PDE8B: variants seen among roughly 807,000 people sequenced by gnomAD.
PDE8B encodes high affinity cAMP-specific and IBMX-insensitive 3',5'-cyclic phosphodiesterase 8B.
In PDE8B, 26 loss-of-function variants were observed where a neutral mutation model predicts 101.3. The ratio of observed to expected loss-of-function variants is 0.26; its 90% CI spans 0.19 to 0.36. The LOEUF (loss-of-function observed/expected upper bound fraction) is 0.36, where lower values mean the gene tolerates loss of function less well. Ranked by LOEUF, PDE8B falls within the 10% of genes least tolerant of loss-of-function variation. The pLI, the probability that PDE8B is intolerant of heterozygous loss-of-function variation, is 1.00. For missense variants in PDE8B, 810 were observed against 1,163.1 expected (o/e 0.70, Z 4.42); for synonymous variants, 424 against 429.3 (o/e 0.99, Z 0.15).
At chr5:77,222,810 G>T (rs1239564426) in intron 1 of PDE8B, among the ~76,000 whole-genome samples, 1 of 152,186 alleles carries the variant, frequency 6.6e-6, no homozygotes, top group East Asian at 1.9e-4. Context: ...AAAAGCCAAG[G>T]AGCAGACAAC....
chr5:77,130,601 T>A, the PDE8B span, among the ~76,000 whole-genome samples: 1 of 152,110 alleles, frequency 6.6e-6, no homozygotes, highest in East Asian at 1.9e-4. Flanking sequence ...CCAAAATTCT[T>A]AATTTTTTGG....
At chr5:77,423,632 GTTT>G (rs71594634) in intron 20 of PDE8B, among the ~76,000 whole-genome samples, 6,474 of 74,052 alleles carry the variant, frequency 0.087, 692 homozygotes, top group African/African-American at 0.25. Flanking sequence ...GTTTTGTTTA[GTTT>G]TTTTTTTTTT....
chr5:77,280,982 C>T (rs1764863772), intron 1 of PDE8B, among the ~76,000 whole-genome samples: 1 of 152,232 alleles, frequency 6.6e-6, no homozygotes, highest in African/African-American at 2.4e-5. Flanking sequence ...CCTACCCTGA[C>T]TGAGGTGGGC....
the PDE8B span, among the ~76,000 whole-genome samples, chr5:77,185,269 C>T: frequency 1.3e-5 from 2 of 152,156 alleles, no homozygotes; most frequent in African/African-American, 4.8e-5. Flanking sequence ...CTCACACAAC[C>T]GAGATTGACT....
At chr5:77,296,224 CTCT>C (rs1277358114) in intron 1 of PDE8B, among the ~76,000 whole-genome samples, 1 of 151,360 alleles carries the variant, frequency 6.6e-6, no homozygotes, top group Non-Finnish European at 1.5e-5. Flanking sequence ...CATCTTCCTT[CTCT>C]TCGTTTTCCT....
chr5:77,321,111 A>G (rs1245215552), intron 2 of PDE8B, among the ~76,000 whole-genome samples: 1 of 150,238 alleles, frequency 6.7e-6, no homozygotes, highest in African/African-American at 2.4e-5. Flanking sequence ...GTTTGACATC[A>G]GCAGTTTAAC....
the PDE8B span, among the ~76,000 whole-genome samples, chr5:77,177,109 C>T: frequency 2.6e-5 from 4 of 152,182 alleles, no homozygotes; most frequent in East Asian, 7.7e-4. Context: ...TACCACTCCA[C>T]AGTCTCTTCA....
At chr5:77,373,586 TAG>T (rs1052759730) in intron 10 of PDE8B, among the ~76,000 whole-genome samples, 11 of 152,342 alleles carry the variant, frequency 7.2e-5, no homozygotes, top group Admixed American at 4.6e-4. Flanking sequence ...TAAATAAAAT[TAG>T]AGAGTGTATA....
intron 2 of PDE8B, among the ~76,000 whole-genome samples, chr5:77,312,559 T>C (rs2150128206): frequency 6.6e-6 from 1 of 152,242 alleles, no homozygotes; most frequent in African/African-American, 2.4e-5. Context: ...GAAGAAGCAA[T>C]GAAATGGTGA....
At chr5:77,309,294 A>C (rs905337640) in intron 1 of PDE8B, among the ~76,000 whole-genome samples, 1 of 152,186 alleles carries the variant, frequency 6.6e-6, no homozygotes, top group Non-Finnish European at 1.5e-5. Flanking sequence ...AGAAAAGTAT[A>C]CAGGCAAGGT....
At chr5:77,397,058 AGT>A (rs1791231645) in intron 10 of PDE8B, among the ~76,000 whole-genome samples, 1 of 82,772 alleles carries the variant, frequency 1.2e-5, no homozygotes, top group Non-Finnish European at 2.1e-5. Flanking sequence ...TTTGAGGCAG[AGT>A]GTCACTGTGT....
the PDE8B span, among the ~76,000 whole-genome samples, chr5:77,193,678 A>G: frequency 9.9e-5 from 15 of 152,078 alleles, no homozygotes; most frequent in African/African-American, 3.6e-4. Flanking sequence ...TAATTTTTCT[A>G]ATCATTTTGT....
At chr5:77,420,809 GC>G (rs34790629) in intron 19 of PDE8B, among the ~76,000 whole-genome samples, 6 of 152,166 alleles carry the variant, frequency 3.9e-5, no homozygotes, top group Non-Finnish European at 8.8e-5. Context: ...ACTCATGTAA[GC>G]CCCCACCTCT....
intron 1 of PDE8B, among the ~76,000 whole-genome samples, chr5:77,270,010 A>G (rs1349753601): frequency 6.6e-6 from 1 of 152,126 alleles, no homozygotes; most frequent in Non-Finnish European, 1.5e-5. Flanking sequence ...TCTGTGAAGA[A>G]TGTTGTTGGT....
the PDE8B span, chr5:77,151,838 T>C: frequency 6.6e-6 from 1 of 152,226 alleles, no homozygotes; most frequent in African/African-American, 2.4e-5. Flanking sequence ...TTGTTTTTCT[T>C]TTAAAATTTC....
chr5:77,206,211 T>A (rs1747489071), upstream of PDE8B, among the ~76,000 whole-genome samples: 2 of 152,354 alleles, frequency 1.3e-5, no homozygotes, highest in South Asian at 4.1e-4. Context: ...TCCTAGGCAC[T>A]GTTCCAAAAG....
At chr5:77,134,329 A>C in the PDE8B span, 1 of 152,282 alleles carries the variant, frequency 6.6e-6, no homozygotes, top group Non-Finnish European at 1.5e-5. Context: ...TCTGAGAACC[A>C]AGAAGTGGAA....
chr5:77,310,503 A>T (rs1772358392), intron 1 of PDE8B, among the ~76,000 whole-genome samples: 1 of 152,248 alleles, frequency 6.6e-6, no homozygotes, highest in Non-Finnish European at 1.5e-5. Context: ...AGAGAAGTCC[A>T]CACTCAACAT....
At chr5:77,204,508 G>A in the PDE8B span, among the ~76,000 whole-genome samples, 1 of 152,032 alleles carries the variant, frequency 6.6e-6, no homozygotes, top group Admixed American at 6.5e-5. Context: ...TTTTCACACA[G>A]AATGTTTCCT....
Sources: gnomAD v4.1 joint callset for allele counts (sites outside exome capture counted in the v4.1 genomes callset) on GRCh38, gnomAD v4.1.1 for gene constraint, MANE v1.5 for transcripts, NCBI Gene and HGNC (gene_info 2026-07-23, HGNC 2026-07-21) for gene names.